SLC35D2: variants seen among roughly 807,000 people sequenced by gnomAD.
SLC35D2 encodes solute carrier family 35 member D2.
Under a neutral mutation model 41.8 loss-of-function variants are expected in SLC35D2, and 43 were observed. The observed-to-expected ratio is 1.03, with a 90% CI of 0.81 to 1.33. The LOEUF (loss-of-function observed/expected upper bound fraction) is 1.33. Among genes scored for constraint, SLC35D2 ranks in the 40% most tolerant of loss-of-function variants. The pLI, the probability that SLC35D2 is intolerant of heterozygous loss-of-function variation, is 0.00. For missense variants in SLC35D2, 380 were observed against 408.4 expected (o/e 0.93, Z 0.60); for synonymous variants, 150 against 163.9 (o/e 0.92, Z 0.65).
At chr9:96,332,590 C>A (rs1445962387) in intron 9 of SLC35D2, among the ~76,000 whole-genome samples, 1 of 151,932 alleles carries the variant, frequency 6.6e-6, no homozygotes, top group Non-Finnish European at 1.5e-5. Flanking sequence ...ACCAGCCTGG[C>A]CAACAAGGTG....
rs1244170975 is a variant in SLC35D2 at position 96,324,139 on chromosome 9, G to C, written c.783C>G (p.Cys261Trp). 6.2e-7 allele frequency: 1 copy of C among 1,613,960 alleles called. No individual in the cohort carries two copies. The highest frequency in any genetic ancestry group is 8.5e-7 in the Non-Finnish European group (1 of 1,179,886). ...GFLLMYSTVL[C>W]SYYNSALTTA... ...TCGTCAGGGCTGAATTGTAATAGCT[G>C]CACAGAACCGTGGAGTACATCAGCA... is the stretch of plus-strand genomic sequence containing the variant. Residue 261 changes from cysteine (C) to tryptophan (W), a missense_variant, in exon 10 of 12, where the codon TGC becomes TGG. Transcript: ENST00000253270.
At chr9:96,321,406 G>A in intron 11 of SLC35D2, 65 bp from the exon 12 acceptor site, 1 of 1,181,760 alleles carries the variant, frequency 8.5e-7, no homozygotes, top group Non-Finnish European at 1.3e-6. Flanking sequence ...AGCAGCAGTT[G>A]CTGGCGTTTT....
At position 96,383,680 on chromosome 9, in the gene SLC35D2, C is replaced by T. The variant is rs1161647588; in HGVS notation, c.-46G>A. ...CCGCCGCCCGCCAGCCCCGGCTGCG[C>T]ACTGGTCCCGCCCGGCCGGGCCGGG... On this transcript the variant is annotated 5_prime_UTR_variant, in exon 1 of 12. Coordinates refer to ENST00000253270, the MANE Select transcript of SLC35D2 (RefSeq NM_007001.3). 32 of 991,416 alleles carry T rather than the reference C, an allele frequency of 3.2e-5. No homozygotes were observed. Among genetic ancestry groups the T allele is most frequent in the Admixed American group, 1.2e-4 (2 of 16,706 alleles). 61.4% of individuals were successfully genotyped at this position (991,416 alleles called of 1,614,324 possible).
chr9:96,323,429 G>A lies in SLC35D2; in HGVS notation c.831+662C>T, dbSNP rs898497882. Reference sequence around the variant, plus strand: ...CTCCACAAGGGCTCCACTTCTCAGTGGGCAGGTTCTCCCAGAAAACCAAAT... The same window carrying A: ...CTCCACAAGGGCTCCACTTCTCAGTAGGCAGGTTCTCCCAGAAAACCAAAT... On this transcript the variant is annotated intron_variant, in intron 10 of 11. Coordinates refer to ENST00000253270, the MANE Select transcript of SLC35D2 (RefSeq NM_007001.3). Among the ~76,000 whole-genome samples, 3 of 152,132 alleles carry A rather than the reference G, an allele frequency of 2.0e-5. No homozygotes were observed. The South Asian group carries it at 6.2e-4, about 32-fold the overall frequency.
At chr9:96,317,510 T>A (rs1828081561), downstream of SLC35D2, among the ~76,000 whole-genome samples, 1 of 152,098 alleles carries the variant, frequency 6.6e-6, no homozygotes, top group East Asian at 1.9e-4. Flanking sequence ...TCAACCCAGC[T>A]CCTAGGGCTG....
At chr9:96,381,551 A>C (rs1364336246) in intron 1 of SLC35D2, among the ~76,000 whole-genome samples, 3 of 151,956 alleles carry the variant, frequency 2.0e-5, no homozygotes, top group African/African-American at 7.3e-5. Flanking sequence ...CTCACACTGC[A>C]TACTCTCCCC....
At chr9:96,344,746 G>A (rs1829503838) in intron 7 of SLC35D2, among the ~76,000 whole-genome samples, 1 of 149,356 alleles carries the variant, frequency 6.7e-6, no homozygotes, top group Non-Finnish European at 1.5e-5. Context: ...GGGGAGGGAT[G>A]GGGCCTCCAC....
At chr9:96,353,266 A>C (rs918176542) in intron 4 of SLC35D2, among the ~76,000 whole-genome samples, 1 of 152,172 alleles carries the variant, frequency 6.6e-6, no homozygotes, top group Non-Finnish European at 1.5e-5. Context: ...ATATTAAATA[A>C]AACAAATGGA....
chr9:96,377,380 G>A (rs1831004828), intron 1 of SLC35D2, among the ~76,000 whole-genome samples: 1 of 152,168 alleles, frequency 6.6e-6, no homozygotes, highest in South Asian at 2.1e-4. Context: ...ACCACTTGCT[G>A]CAACTCCAGG....
In SLC35D2 at chr9:96,324,000, C is replaced by T. The variant is rs72621424; in HGVS notation, c.831+91G>A. The T allele has an allele frequency of 1.1e-3, 1,197 of 1,130,812 alleles. 16 individuals are homozygous for T. The African/African-American group carries it at 0.016, about 15-fold the overall frequency. The allele number at this position is 1,130,812 out of a possible 1,614,324, so 70.0% of individuals were successfully genotyped here. ...CACAGCCCTCGTTCTTACACCACCA[C>T]CAACAACAAAATCAAACCCGGCCTC... On this transcript the variant is annotated intron_variant, in intron 10 of 11. Coordinates refer to ENST00000253270, the MANE Select transcript of SLC35D2 (RefSeq NM_007001.3).
chr9:96,318,530 A>G, downstream of SLC35D2, among the ~76,000 whole-genome samples: 1 of 152,152 alleles, frequency 6.6e-6, no homozygotes, highest in African/African-American at 2.4e-5. Context: ...CAACTCAACA[A>G]CAATAAAACA....
intron 4 of SLC35D2, among the ~76,000 whole-genome samples, chr9:96,353,639 C>T (rs1829904416): frequency 6.6e-6 from 1 of 152,214 alleles, no homozygotes; most frequent in South Asian, 2.1e-4. Context: ...AGCCACCGCA[C>T]TGGGCTGAAA....
intron 7 of SLC35D2, among the ~76,000 whole-genome samples, chr9:96,344,745 T>G (rs1481957028): frequency 0.011 from 1,377 of 127,754 alleles, 1 homozygote; most frequent in African/African-American, 0.018. Flanking sequence ...GGGGGAGGGA[T>G]GGGGCCTCCA....
intron 9 of SLC35D2, among the ~76,000 whole-genome samples, chr9:96,334,601 G>A (rs540725823): frequency 3.9e-5 from 6 of 152,212 alleles, no homozygotes; most frequent in Admixed American, 2.6e-4. Context: ...TCGTGCCACT[G>A]GACTCCAGCC....
At chr9:96,381,059 A>G (rs998843228) in intron 1 of SLC35D2, among the ~76,000 whole-genome samples, 1 of 152,214 alleles carries the variant, frequency 6.6e-6, no homozygotes, top group Non-Finnish European at 1.5e-5. Context: ...AGTGGCTTCC[A>G]GCCCCTCTCC....
Position 96,351,166 on chromosome 9 carries a change from T to A in SLC35D2, c.425A>T (p.Gln142Leu). Residue 142 changes from glutamine to leucine, a missense_variant, in exon 6 of 12, where the codon CAG becomes CTG. By Grantham distance (113) the Gln-to-Leu change is moderately radical. Coordinates refer to ENST00000253270, the MANE Select transcript of SLC35D2 (RefSeq NM_007001.3). ...ACTGAGGATGATGTTGAGTGAATACTGCTTCCTGTAATAAATACACAAATA... is the reference window on the plus strand; with the variant it reads ...ACTGAGGATGATGTTGAGTGAATACAGCTTCCTGTAATAAATACACAAATA... Reference protein sequence around the residue: ...LLLETIILGKQYSLNIILSVF... With the variant: ...LLLETIILGKLYSLNIILSVF... The A allele has an allele frequency of 6.2e-7, 1 of 1,602,376 alleles. No homozygotes were observed. The highest frequency in any genetic ancestry group is 8.6e-7 in the Non-Finnish European group (1 of 1,169,304).
intron 3 of SLC35D2, 38 bp downstream of exon 3, chr9:96,364,426 A>G (rs1235885086): frequency 8.3e-7 from 1 of 1,211,378 alleles, no homozygotes; most frequent in Admixed American, 1.8e-5. Flanking sequence ...GTATTTTCAC[A>G]TCTTCTATCA....
At chr9:96,328,505 G>A (rs769272151) in intron 9 of SLC35D2, among the ~76,000 whole-genome samples, 4 of 152,198 alleles carry the variant, frequency 2.6e-5, no homozygotes, top group Non-Finnish European at 4.4e-5. Flanking sequence ...AGACAACAGA[G>A]GCCAGCTGAG....
intron 1 of SLC35D2, among the ~76,000 whole-genome samples, chr9:96,372,407 C>T (rs964548196): frequency 6.6e-6 from 1 of 151,752 alleles, no homozygotes; most frequent in Admixed American, 6.6e-5. Flanking sequence ...ATTGCATGAG[C>T]CTTGATTGGA....
Sources: allele counts gnomAD v4.1 joint callset (sites outside exome capture counted in the v4.1 genomes callset), GRCh38; gene constraint gnomAD v4.1.1; transcripts MANE v1.5; gene names NCBI Gene and HGNC (gene_info 2026-07-23, HGNC 2026-07-21).